Variants in GRB10 observed in about 807,000 individuals in gnomAD.
The protein encoded by GRB10 is growth factor receptor-bound protein 10.
In GRB10, 20 loss-of-function variants were observed where a neutral mutation model predicts 80.9. The observed-to-expected ratio is 0.25, with a 90% confidence interval of 0.17 to 0.36. The LOEUF is 0.36. Among genes scored for constraint, GRB10 ranks in the 10% least tolerant of loss-of-function variants. GRB10 has a pLI of 1.00. For synonymous variants in GRB10, 291 were observed against 291.5 expected (o/e 1.00, Z 0.02); for missense variants, 548 against 747.7 (o/e 0.73, Z 3.12).
intron 3 of GRB10, among the ~76,000 whole-genome samples, chr7:50,754,220 G>A (rs980140249): frequency 2.6e-5 from 4 of 152,216 alleles, no homozygotes; most frequent in African/African-American, 9.6e-5. Context: ...GGACCCAGCT[G>A]CCCTAGAGCC....
At chr7:50,623,731 T>G (rs372503757) in intron 8 of GRB10, among the ~76,000 whole-genome samples, 1 of 152,220 alleles carries the variant, frequency 6.6e-6, no homozygotes, top group African/African-American at 2.4e-5. Flanking sequence ...AGGTTTAATA[T>G]TATTAAGGGA....
chr7:50,708,654 G>T (rs1411296521), intron 4 of GRB10, among the ~76,000 whole-genome samples: 1 of 150,442 alleles, frequency 6.6e-6, no homozygotes, highest in African/African-American at 2.4e-5. Flanking sequence ...GAAGGGAATG[G>T]GGGAGGCCCT....
chr7:50,761,479 AC>A (rs1322812820), intron 2 of GRB10, among the ~76,000 whole-genome samples: 1 of 151,978 alleles, frequency 6.6e-6, no homozygotes, highest in Non-Finnish European at 1.5e-5. Flanking sequence ...TAAATAAGGA[AC>A]CCCCTTAACC....
intron 7 of GRB10, among the ~76,000 whole-genome samples, chr7:50,661,872 T>C (rs2059315394): frequency 6.6e-6 from 1 of 152,188 alleles, no homozygotes; most frequent in Non-Finnish European, 1.5e-5. Flanking sequence ...CCAGCTGCCG[T>C]TGTGGAGAGA....
rs113342550 is a variant in GRB10, at chr7:50,777,915, G to C, written c.-217+2712C>G. Among the ~76,000 whole-genome samples, 1,129 of 152,222 alleles carry C rather than the reference G, an allele frequency of 7.4e-3. 18 individuals are homozygous for C. Among genetic ancestry groups the C allele is most frequent in the African/African-American group, 0.025 (1,058 of 41,542 alleles). On this transcript the variant is annotated intron_variant, in intron 2 of 18. Transcript: ENST00000401949. Reference sequence around the variant, plus strand: ...GAATAACACACACCAGGGCCTGTCAGGGAGGGGAGAGGGACTGAGGGGAGG... The same window carrying C: ...GAATAACACACACCAGGGCCTGTCACGGAGGGGAGAGGGACTGAGGGGAGG...
chr7:50,766,885 G>A (rs1328750574), intron 2 of GRB10, among the ~76,000 whole-genome samples: 1 of 152,170 alleles, frequency 6.6e-6, no homozygotes, highest in Non-Finnish European at 1.5e-5. Context: ...ATATAAACAT[G>A]AATAAGGAAA....
chr7:50,694,972 A>C (rs769531595), intron 5 of GRB10, among the ~76,000 whole-genome samples: 1 of 152,028 alleles, frequency 6.6e-6, no homozygotes, highest in African/African-American at 2.4e-5. Context: ...CTCAGCTCCT[A>C]ACCTCTCTGC....
chr7:50,619,132 A>G lies in GRB10; in HGVS notation c.777+38T>C, dbSNP rs1046938349. The G allele has an allele frequency of 6.6e-6, 8 of 1,212,982 alleles. No homozygotes were observed. In the African/African-American group the frequency reaches 1.2e-4, roughly 18 times the overall value. The allele number at this position is 1,212,982 out of a possible 1,614,324, so 75.1% of individuals were successfully genotyped here. A position where few individuals can be genotyped will look rare whatever the true frequency, so the allele number is the denominator to read the frequency against. ...CCCAAGTATAAACTTCAAGATTTCA[A>G]GAGTCCCAAACCCCAAACCTGAAGA... On this transcript the variant is annotated intron_variant, in intron 9 of 18. Transcript: ENST00000401949.
intron 7 of GRB10, among the ~76,000 whole-genome samples, chr7:50,646,216 G>A (rs191224289): frequency 1.1e-4 from 17 of 152,286 alleles, no homozygotes; most frequent in African/African-American, 3.1e-4. Context: ...CCCTAGCAAC[G>A]TTCACCCTAG....
Position 50,747,493 on chromosome 7 carries a change from T to G in GRB10, c.-47+8394A>C, listed in dbSNP as rs2153699335. ...GGGTGAAGCATTTTCAAAGATGGTT[T>G]TACCCTCTCTCCAACCCTTTGGGAT... On this transcript the variant is annotated intron_variant, in intron 3 of 18. Coordinates refer to ENST00000401949, the MANE Select transcript of GRB10 (RefSeq NM_001350814.2). 3 of 152,264 alleles carry G rather than the reference T, an allele frequency of 2.0e-5. 1 individual carries two copies. The highest frequency in any genetic ancestry group is 6.8e-3 in the Middle Eastern group (2 of 294). The allele number at this position is 152,264 out of a possible 1,614,324, so 9.4% of individuals were successfully genotyped here.
intron 7 of GRB10, 75 bp from the exon 8 acceptor site, chr7:50,627,053 A>G: frequency 6.7e-7 from 1 of 1,482,598 alleles, no homozygotes; most frequent in South Asian, 1.1e-5. Context: ...AACAAAAGAA[A>G]ACAGGTAAAG....
intron 7 of GRB10, among the ~76,000 whole-genome samples, chr7:50,669,338 G>C (rs2060123074): frequency 6.6e-6 from 1 of 152,228 alleles, no homozygotes; most frequent in Non-Finnish European, 1.5e-5. Context: ...AGAAGGCAAA[G>C]CAGGAACTGG....
At chr7:50,674,080 C>G (rs1038588738) in intron 6 of GRB10, among the ~76,000 whole-genome samples, 43 of 152,228 alleles carry the variant, frequency 2.8e-4, no homozygotes, top group Non-Finnish European at 5.3e-4. Flanking sequence ...CGTCCCTACT[C>G]TGGGTAGTGA....
At chr7:50,614,713 G>T in intron 12 of GRB10, 57 bp downstream of exon 12, 3 of 1,037,160 alleles carry the variant, frequency 2.9e-6, no homozygotes, top group Non-Finnish European at 4.6e-6. Context: ...AAGAGAAGAA[G>T]TCAGTCTCCT....
At chr7:50,705,018 G>C (rs2064837874) in intron 4 of GRB10, 1 of 420,940 alleles carries the variant, frequency 2.4e-6, no homozygotes, top group Non-Finnish European at 3.2e-6. Context: ...AGCAGGCCTT[G>C]GGAATGTGAC....
At chr7:50,597,666 C>A (rs1271480451) in intron 17 of GRB10, among the ~76,000 whole-genome samples, 1 of 152,244 alleles carries the variant, frequency 6.6e-6, no homozygotes, top group Admixed American at 6.5e-5. Flanking sequence ...CAGGCTCACC[C>A]TGGGAAGTCC....
At chr7:50,746,832 C>A (rs576668976) in intron 3 of GRB10, among the ~76,000 whole-genome samples, 1 of 152,254 alleles carries the variant, frequency 6.6e-6, no homozygotes, top group East Asian at 1.9e-4. Context: ...CCTGTCCCTG[C>A]GTGAGCCATT....
At chr7:50,709,020 C>A (rs367775420) in intron 4 of GRB10, among the ~76,000 whole-genome samples, 1 of 152,150 alleles carries the variant, frequency 6.6e-6, no homozygotes, top group Admixed American at 6.5e-5. Context: ...TGCTCTCTAC[C>A]TCTAGGGGAA....
At chr7:50,747,308 C>G (rs1030688774) in intron 3 of GRB10, among the ~76,000 whole-genome samples, 1 of 152,144 alleles carries the variant, frequency 6.6e-6, no homozygotes, top group African/African-American at 2.4e-5. Context: ...AGGAAACCCG[C>G]GAAGCAGAGC....
Sources: allele counts gnomAD v4.1 joint callset (sites outside exome capture counted in the v4.1 genomes callset), GRCh38; gene constraint gnomAD v4.1.1; transcripts MANE v1.5; gene names NCBI Gene and HGNC (gene_info 2026-07-23, HGNC 2026-07-21).